R3HDM1: variants seen among roughly 807,000 people sequenced by gnomAD.
R3HDM1 encodes R3H domain-containing protein 1.
In R3HDM1, 46 loss-of-function variants were observed where a neutral mutation model predicts 141.1. The ratio of observed to expected loss-of-function variants is 0.33; its 90% CI spans 0.26 to 0.42. The LOEUF is 0.42. R3HDM1 is among the 10% of genes least tolerant of loss of function. The probability of loss-of-function intolerance (pLI) is 1.00; values close to 1 mark genes in which losing one functional copy is unlikely to be tolerated. For synonymous variants in R3HDM1, 435 were observed against 472.9 expected (o/e 0.92, Z 1.04); for missense variants, 1,184 against 1,368.3 (o/e 0.87, Z 2.12).
chr2:135,579,405 T>C (rs1445747121), intron 1 of R3HDM1, among the ~76,000 whole-genome samples: 1 of 152,054 alleles, frequency 6.6e-6, no homozygotes, highest in Non-Finnish European at 1.5e-5. Flanking sequence ...GAATTCCAAT[T>C]AGCATAGATG....
intron 18 of R3HDM1, among the ~76,000 whole-genome samples, chr2:135,652,831 A>G (rs2065294345): frequency 6.6e-6 from 1 of 152,176 alleles, no homozygotes; most frequent in South Asian, 2.1e-4. Context: ...ATATAAAATG[A>G]TTCCAGTTCT....
At chr2:135,579,339 C>T (rs777107237) in intron 1 of R3HDM1, among the ~76,000 whole-genome samples, 1 of 152,056 alleles carries the variant, frequency 6.6e-6, no homozygotes, top group African/African-American at 2.4e-5. Flanking sequence ...CATGTACAGG[C>T]ATTTAGGTAG....
intron 1 of R3HDM1, chr2:135,559,130 G>C: frequency 5.9e-6 from 5 of 852,630 alleles, no homozygotes; most frequent in Non-Finnish European, 7.0e-6. Flanking sequence ...GTTGTTGTCG[G>C]AGACAGGGCC....
chr2:135,644,211 C>T (rs369053154), intron 15 of R3HDM1, among the ~76,000 whole-genome samples: 2 of 152,220 alleles, frequency 1.3e-5, no homozygotes. Flanking sequence ...TTAGAATGTA[C>T]GTGTAGAGAA....
chr2:135,593,836 TC>T (rs1384774668), intron 1 of R3HDM1, among the ~76,000 whole-genome samples: 1 of 152,226 alleles, frequency 6.6e-6, no homozygotes, highest in Non-Finnish European at 1.5e-5. Context: ...TTCTCATGCG[TC>T]AGCCTCCCAA....
chr2:135,597,051 G>A (rs959293499), intron 1 of R3HDM1: 18 of 983,968 alleles, frequency 1.8e-5, no homozygotes, highest in East Asian at 1.1e-4. Flanking sequence ...CAGCACATTC[G>A]TGTAACACCT....
At position 135,552,192 on chromosome 2, in the gene R3HDM1, T is replaced by C. The variant is rs576291146; in HGVS notation, c.-250+20559T>C. Among the ~76,000 whole-genome samples, 297 of 152,082 alleles carry C rather than the reference T, an allele frequency of 2.0e-3. 1 individual carries two copies. The highest frequency in any genetic ancestry group is 7.0e-3 in the African/African-American group (290 of 41,374). On this transcript the variant is annotated intron_variant, in intron 1 of 26. Coordinates refer to ENST00000683871, the MANE Select transcript of R3HDM1 (RefSeq NM_001378107.1). ...CATGACCTAATCCAGAATTTTTTTTTCTTTTTTGGGGGGTGCGGGGAGGGA... is the reference window on the plus strand; with the variant it reads ...CATGACCTAATCCAGAATTTTTTTTCCTTTTTTGGGGGGTGCGGGGAGGGA...
In R3HDM1 at chr2:135,616,648, T is replaced by A; in HGVS notation, c.214-20T>A. 6.4e-7 allele frequency: 1 copy of A among 1,560,062 alleles called. No individual in the cohort carries two copies. The highest frequency in any genetic ancestry group is 8.8e-7 in the Non-Finnish European group (1 of 1,138,406). On this transcript the variant is annotated intron_variant, in intron 4 of 26. Coordinates refer to ENST00000683871, the MANE Select transcript of R3HDM1 (RefSeq NM_001378107.1). ...CTAGATTTCTGAAATGTAGTGTTAA[T>A]TATAAATACTTCTCTTTAGTCAAGC...
chr2:135,666,468 G>T (rs2067510645), intron 19 of R3HDM1, among the ~76,000 whole-genome samples: 1 of 152,104 alleles, frequency 6.6e-6, no homozygotes, highest in Non-Finnish European at 1.5e-5. Flanking sequence ...CATAGATTCA[G>T]ACATTGTATA....
At chr2:135,657,291 A>T (rs938510400) in intron 18 of R3HDM1, among the ~76,000 whole-genome samples, 1 of 151,608 alleles carries the variant, frequency 6.6e-6, no homozygotes. Context: ...GGCACCTGTA[A>T]TCCCAGCTAC....
chr2:135,575,896 A>G (rs1266413622), intron 1 of R3HDM1, among the ~76,000 whole-genome samples: 2 of 152,220 alleles, frequency 1.3e-5, no homozygotes, highest in Non-Finnish European at 2.9e-5. Flanking sequence ...AGTTGATACT[A>G]AGTCTTATGG....
Position 135,602,687 on chromosome 2 carries a change from C to G in R3HDM1, c.-62C>G. 2 of 1,528,864 alleles carry G rather than the reference C, an allele frequency of 1.3e-6. No individual in the cohort carries two copies. The highest frequency in any genetic ancestry group is 1.8e-6 in the Non-Finnish European group (2 of 1,140,152). 94.7% of individuals were successfully genotyped at this position (1,528,864 alleles called of 1,614,324 possible). On this transcript the variant is annotated 5_prime_UTR_variant, in exon 2 of 27. Coordinates refer to ENST00000683871, the MANE Select transcript of R3HDM1 (RefSeq NM_001378107.1). ...TTTATTTTTGTGGGACACCACAATCCCAAATCCAAAGGACGCATCAGGTAA... is the reference window on the plus strand; with the variant it reads ...TTTATTTTTGTGGGACACCACAATCGCAAATCCAAAGGACGCATCAGGTAA...
intron 11 of R3HDM1, among the ~76,000 whole-genome samples, chr2:135,637,545 G>T (rs1479189747): frequency 1.3e-5 from 2 of 152,122 alleles, no homozygotes; most frequent in Admixed American, 1.3e-4. Context: ...CTACTCAGGA[G>T]GCTGAGACAG....
Position 135,651,884 on chromosome 2 carries a change from A to C in R3HDM1, c.1880A>C (p.His627Pro). Reference protein sequence around the residue: ...GYIMTAAPPPHPPPPPPPPPP... With the variant: ...GYIMTAAPPPPPPPPPPPPPP... ...ATCATGACAGCAGCCCCTCCACCAC[A>C]TCCTCCTCCACCGCCACCACCACCA... is the stretch of plus-strand genomic sequence containing the variant. Residue 627 changes from histidine to proline, a missense_variant, in exon 18 of 27, where the codon CAT becomes CCT. Around this residue, in one of 5 missense-constraint regions of R3HDM1, gnomAD observed 563 missense variants for 562.0 expected, o/e 1.00. Coordinates refer to ENST00000683871, the MANE Select transcript of R3HDM1 (RefSeq NM_001378107.1). 1.9e-6 allele frequency: 3 copies of C among 1,612,936 alleles called. No individual in the cohort carries two copies. The highest frequency in any genetic ancestry group is 2.2e-5 in the South Asian group (2 of 91,014).
chr2:135,678,047 C>G (rs2069518435), intron 20 of R3HDM1, among the ~76,000 whole-genome samples: 1 of 152,178 alleles, frequency 6.6e-6, no homozygotes, highest in African/African-American at 2.4e-5. Context: ...TCACTACAAC[C>G]TCTGCATCCC....
intron 1 of R3HDM1, among the ~76,000 whole-genome samples, chr2:135,562,554 C>T (rs1701993773): frequency 6.6e-6 from 1 of 152,102 alleles, no homozygotes; most frequent in South Asian, 2.1e-4. Flanking sequence ...AAACTTACAC[C>T]ATTTGTTGCA....
intron 18 of R3HDM1, among the ~76,000 whole-genome samples, chr2:135,655,834 C>T (rs2065809576): frequency 6.6e-6 from 1 of 152,056 alleles, no homozygotes; most frequent in Non-Finnish European, 1.5e-5. Flanking sequence ...TATTTAGGCT[C>T]CTTGCAATTC....
chr2:135,580,674 A>G (rs752755287), intron 1 of R3HDM1, among the ~76,000 whole-genome samples: 2 of 152,172 alleles, frequency 1.3e-5, no homozygotes, highest in Admixed American at 1.3e-4. Flanking sequence ...TTCACTCACA[A>G]GGCCTTGCCT....
At chr2:135,539,827 A>T (rs1314363798) in intron 1 of R3HDM1, among the ~76,000 whole-genome samples, 1 of 152,142 alleles carries the variant, frequency 6.6e-6, no homozygotes, top group Non-Finnish European at 1.5e-5. Flanking sequence ...GTCTTGCTTC[A>T]GTGTTGGTGG....
Sources: gnomAD v4.1 joint callset for allele counts (sites outside exome capture counted in the v4.1 genomes callset) on GRCh38, gnomAD v4.1.1 for gene constraint, gnomAD v4.1.1 regional missense constraint, MANE v1.5 for transcripts, NCBI Gene and HGNC (gene_info 2026-07-23, HGNC 2026-07-21) for gene names.